The following DMD variants were observed in gnomAD, a reference collection of about 807,000 sequenced individuals.
The protein encoded by DMD is mutant dystrophin.
A neutral mutation model predicts 330.1 loss-of-function variants in DMD; 63 were observed. That is an observed-to-expected ratio of 0.19 (90% CI 0.16 to 0.24). The LOEUF (loss-of-function observed/expected upper bound fraction) is 0.24. Among genes scored for constraint, DMD ranks in the 10% least tolerant of loss-of-function variants. The pLI is 1.00. For synonymous variants in DMD, 1,223 were observed against 959.8 expected, an observed-to-expected ratio of 1.27 and a Z score of -5.07; for missense variants, 3,344 against 2,684.1, an observed-to-expected ratio of 1.25 and a Z score of -5.43.
At chrX:32,040,481 T>A (rs1375164078) in intron 44 of DMD, among the ~76,000 whole-genome samples, 1 of 112,025 alleles carries the variant, frequency 8.9e-6, no homozygotes, top group South Asian at 3.7e-4. Flanking sequence ...TTTAAAACCG[T>A]AGCTAAAGTC....
intron 1 of DMD, among the ~76,000 whole-genome samples, chrX:33,234,652 T>G (rs2052444347): frequency 8.9e-6 from 1 of 111,846 alleles, no homozygotes; most frequent in African/African-American, 3.3e-5. Context: ...ACTGACATGA[T>G]TCAATGAACA....
Position 32,205,005 on chromosome X carries a change from T to TCTCTCTCA in DMD, c.6438+11910_6438+11911insTGAGAGAG, listed in dbSNP as rs60181300. On this transcript the variant is annotated intron_variant, in intron 44 of 78. Coordinates refer to ENST00000357033, the MANE Select transcript of DMD (RefSeq NM_004006.3). ...CTCTCTCTCTCTCTCTCTCTCTCTC[T>TCTCTCTCA]CACATACACACACACACACACACAC... 8.3e-3 allele frequency among the ~76,000 whole-genome samples: 242 copies of TCTCTCTCA among 29,191 alleles called. 5 individuals carry two copies. Among genetic ancestry groups the TCTCTCTCA allele is most frequent in the African/African-American group, 0.026 (230 of 8,712 alleles). 25.3% of individuals were successfully genotyped at this position (29,191 alleles called of 115,157 possible).
At chrX:33,118,672 G>A (rs138066368) in intron 1 of DMD, among the ~76,000 whole-genome samples, 3,495 of 111,850 alleles carry the variant, frequency 0.031, 58 homozygotes, top group Non-Finnish European at 0.045. Flanking sequence ...TCTCTGAAAT[G>A]AAACATTTTT....
rs148444608 is a variant in DMD, at chrX:33,301,067, A to G, written c.7+38192T>C. On this transcript the variant is annotated intron_variant, in intron 1 of 17. Transcript: ENST00000288447. Reference sequence around the variant, plus strand: ...TCGCTGTCCTTCAGTATTTTGCATGAAGCCAAAGGCAGAATATGCTAGAAG... The same window carrying G: ...TCGCTGTCCTTCAGTATTTTGCATGGAGCCAAAGGCAGAATATGCTAGAAG... Among the ~76,000 whole-genome samples, 604 of 111,816 alleles carry G rather than the reference A, an allele frequency of 5.4e-3. 10 individuals are homozygous for G. The highest frequency in any genetic ancestry group is 0.019 in the Middle Eastern group (4 of 215).
chrX:32,935,517 T>A (rs1357265690), intron 2 of DMD, among the ~76,000 whole-genome samples: 1 of 112,252 alleles, frequency 8.9e-6, no homozygotes, highest in Non-Finnish European at 1.9e-5. Flanking sequence ...TACTGCTATA[T>A]AATATTCCAT....
intron 9 of DMD, among the ~76,000 whole-genome samples, chrX:32,648,802 AAT>A (rs1157276282): frequency 8.9e-6 from 1 of 111,987 alleles, no homozygotes; most frequent in Non-Finnish European, 1.9e-5. Flanking sequence ...AGCACCCCAA[AAT>A]ATGTTTTTAT....
At chrX:31,561,845 T>A in intron 55 of DMD, among the ~76,000 whole-genome samples, 1 of 112,206 alleles carries the variant, frequency 8.9e-6, no homozygotes, top group Non-Finnish European at 1.9e-5. Flanking sequence ...TATATTATCT[T>A]ATCGTCCTTG....
intron 53 of DMD, among the ~76,000 whole-genome samples, chrX:31,666,922 A>G (rs938415633): frequency 8.9e-6 from 1 of 112,240 alleles, no homozygotes; most frequent in South Asian, 3.7e-4. Flanking sequence ...GTGTTCATAA[A>G]ACTTGAAAAA....
At chrX:32,304,471 T>A (rs1318096801) in intron 42 of DMD, among the ~76,000 whole-genome samples, 2 of 110,872 alleles carry the variant, frequency 1.8e-5, no homozygotes, top group Non-Finnish European at 3.8e-5. Context: ...CAAGAGAGAT[T>A]TGTATAAAAT....
intron 44 of DMD, among the ~76,000 whole-genome samples, chrX:32,079,541 G>A (rs2096376512): frequency 9.0e-6 from 1 of 110,598 alleles, no homozygotes; most frequent in Admixed American, 9.6e-5. Flanking sequence ...GTTGCAGTGA[G>A]CTGAGATTGC....
chrX:33,128,322 A>G (rs2095477385), intron 1 of DMD: 3 of 1,033,812 alleles, frequency 2.9e-6, no homozygotes, highest in Non-Finnish European at 3.7e-6. Flanking sequence ...ATCTCTGACC[A>G]GCCTCACAAA....
At chrX:32,390,569 C>T (rs775685642) in intron 30 of DMD, among the ~76,000 whole-genome samples, 2 of 112,015 alleles carry the variant, frequency 1.8e-5, no homozygotes, top group Non-Finnish European at 3.8e-5. Context: ...AAGTCACACT[C>T]AAATCGGACC....
At chrX:33,075,676 G>A (rs781574186) in intron 1 of DMD, among the ~76,000 whole-genome samples, 4 of 112,164 alleles carry the variant, frequency 3.6e-5, no homozygotes, top group East Asian at 2.8e-4. Context: ...TTTGTCTTAC[G>A]AAAATGCATT....
chrX:31,960,549 A>T (rs1215029519), intron 45 of DMD, among the ~76,000 whole-genome samples: 1 of 110,688 alleles, frequency 9.0e-6, no homozygotes, highest in African/African-American at 3.3e-5. Flanking sequence ...GCCTCTTCTC[A>T]TCCTTTAAGA....
chrX:32,067,520 C>G (rs903258836), intron 44 of DMD, among the ~76,000 whole-genome samples: 2 of 110,461 alleles, frequency 1.8e-5, no homozygotes, highest in Non-Finnish European at 3.8e-5. Flanking sequence ...CTTTCCCCTT[C>G]TATTAGTCCC....
At chrX:33,207,345 A>G (rs912833009) in intron 1 of DMD, among the ~76,000 whole-genome samples, 11 of 111,314 alleles carry the variant, frequency 9.9e-5, no homozygotes, top group Non-Finnish European at 2.1e-4. Context: ...GCTGTAATAT[A>G]TGAGGGAAAC....
chrX:33,053,005 C>T (rs1351731979), intron 1 of DMD, among the ~76,000 whole-genome samples: 2 of 111,586 alleles, frequency 1.8e-5, no homozygotes, highest in Non-Finnish European at 3.8e-5. Context: ...GACGCATGTC[C>T]CTAACAAATT....
At chrX:31,647,519 C>T (rs1270788817) in intron 54 of DMD, among the ~76,000 whole-genome samples, 1 of 111,813 alleles carries the variant, frequency 8.9e-6, no homozygotes, top group African/African-American at 3.3e-5. Flanking sequence ...TAATTTGTCC[C>T]AGCATGAAAA....
chrX:31,449,443 G>A (rs1277076936), intron 59 of DMD, among the ~76,000 whole-genome samples: 6 of 110,880 alleles, frequency 5.4e-5, no homozygotes, highest in African/African-American at 2.0e-4. Context: ...TGTAAGCATG[G>A]GGAAAACAGT....
Sources: allele counts gnomAD v4.1 joint callset (sites outside exome capture counted in the v4.1 genomes callset), GRCh38; gene constraint gnomAD v4.1.1; transcripts MANE v1.5; gene names NCBI Gene and HGNC (gene_info 2026-07-23, HGNC 2026-07-21).